SLC2A6: variants seen among roughly 807,000 people sequenced by gnomAD.
The protein encoded by SLC2A6 is solute carrier family 2, facilitated glucose transporter member 6.
Under a neutral mutation model 47.8 loss-of-function variants are expected in SLC2A6, and 39 were observed. That is an observed-to-expected ratio of 0.82 (90% CI 0.63 to 1.07). SLC2A6 has a LOEUF of 1.07. Among genes scored for constraint, SLC2A6 ranks in the 50% least tolerant of loss-of-function variants. SLC2A6 has a pLI of 0.00. For missense variants in SLC2A6, 650 were observed against 707.6 expected, an observed-to-expected ratio of 0.92 and a Z score of 0.92; for synonymous variants, 346 against 324.1, an observed-to-expected ratio of 1.07 and a Z score of -0.73.
At position 133,475,225 on chromosome 9, in the gene SLC2A6, A is replaced by G. The variant is rs1843896143; in HGVS notation, c.775-112T>C. On this transcript the variant is annotated intron_variant, in intron 5 of 9. Coordinates refer to ENST00000371899, the MANE Select transcript of SLC2A6 (RefSeq NM_017585.4). ...AGACCTCCTTTTTCCCTCCTCCAGGAAAGAACCAGCTTACCAGGCCACCCA... is the reference window on the plus strand; with the variant it reads ...AGACCTCCTTTTTCCCTCCTCCAGGGAAGAACCAGCTTACCAGGCCACCCA... The G allele has an allele frequency of 4.3e-6, 6 of 1,411,038 alleles. No individual in the cohort carries two copies. In the South Asian group the frequency reaches 9.0e-5, roughly 21 times the overall value. The allele number at this position is 1,411,038 out of a possible 1,614,324, so 87.4% of individuals were successfully genotyped here.
chr9:133,475,057 G>A lies in SLC2A6; in HGVS notation c.831C>T (p.Thr277=), dbSNP rs374498501. ...ARAPHVCRPI[T]VALLMRLLQQ... ...GCAGGAGGCGCATCAGCAAGGCCACGGTGATGGGCCGGCACACGTGTGGGG... is the reference window on the plus strand; with the variant it reads ...GCAGGAGGCGCATCAGCAAGGCCACAGTGATGGGCCGGCACACGTGTGGGG... Residue 277 remains threonine, a synonymous_variant, in exon 6 of 10, where the codon ACC becomes ACT. Transcript: ENST00000371899. 36 of 1,601,650 alleles carry A rather than the reference G, an allele frequency of 2.2e-5. No individual in the cohort carries two copies. The highest frequency in any genetic ancestry group is 2.6e-5 in the Non-Finnish European group (30 of 1,176,112).
At chr9:133,478,465 C>T (rs34008151) in intron 1 of SLC2A6, 49 bp from the exon 2 acceptor site, 40,207 of 1,604,160 alleles carry the variant, frequency 0.025, 618 homozygotes, top group Middle Eastern at 0.043. Flanking sequence ...GTCCCTCCTC[C>T]AGGGACCATT....
rs115761379 is a variant in SLC2A6 at position 133,475,455 on chromosome 9, G to T, written c.719C>A (p.Thr240Lys). 6.2e-6 allele frequency: 10 copies of T among 1,611,604 alleles called. No individual in the cohort carries two copies. The highest frequency in any genetic ancestry group is 8.5e-6 in the Non-Finnish European group (10 of 1,179,734). The change falls in exon 5 of 10, where the codon ACG (threonine) becomes AAG (lysine). Residue 240 changes from threonine to lysine, a missense_variant. Thr to Lys is a moderately conservative substitution (Grantham distance 78). Transcript: ENST00000371899. ...ALRALAWLRG[T>K]DVDVHWEFEQ... ...GAACTCCCAGTGGACATCGACGTCC[G>T]TCCCACGCAGCCAGGCCAGCGCCCG...
In SLC2A6 at chr9:133,473,271, G is replaced by A. The variant is rs1554802218; in HGVS notation, c.1223-21C>T. On this transcript the variant is annotated intron_variant, in intron 8 of 9. Coordinates refer to ENST00000371899, the MANE Select transcript of SLC2A6 (RefSeq NM_017585.4). The stretch of plus-strand genomic sequence containing the variant: ...GTAGCCTGCTCGGAGGAGGAGGCAG[G>A]TTCAGGCCCTGTGGGGTGACTGGAG... 4 of 1,557,816 alleles carry A rather than the reference G, an allele frequency of 2.6e-6. No individual in the cohort carries two copies. In the South Asian group the frequency reaches 3.5e-5, roughly 14 times the overall value.
intron 4 of SLC2A6, 32 bp downstream of exon 4, chr9:133,476,201 ACCAG>A (rs1554803296): frequency 2.0e-6 from 3 of 1,532,588 alleles, no homozygotes; most frequent in Non-Finnish European, 9.0e-7. Context: ...CACCCCTCCC[ACCAG>A]CCTGCACACA....
In SLC2A6 at chr9:133,474,011, G is replaced by A. The variant is rs782004368; in HGVS notation, c.1005C>T (p.Leu335=). The change falls in exon 7 of 10, where the codon CTC becomes CTT. Residue 335 remains leucine, a synonymous_variant. Coordinates refer to ENST00000371899, the MANE Select transcript of SLC2A6 (RefSeq NM_017585.4). ...CGAAGAGCAGCACCTTGCGGCCTGC[G>A]AGGTCCATGGTGAGGGCGGCGATCA... The part of the protein sequence containing the change: ...SVLIAALTMD[L]AGRKVLLFVS... The A allele has an allele frequency of 1.4e-5, 22 of 1,610,544 alleles. No homozygotes were observed. Among genetic ancestry groups the A allele is most frequent in the Admixed American group, 6.7e-5 (4 of 59,890 alleles).
chr9:133,471,456 T>C lies in SLC2A6; in HGVS notation c.*565A>G, dbSNP rs931109352. On this transcript the variant is annotated 3_prime_UTR_variant, in exon 10 of 10. Transcript: ENST00000371899. ...CAGGCTGGTCTTGAACTCCTGGCCT[T>C]GGGTAATCCACCTGCTTTGGCCTCC... 1 of 152,444 alleles carries C rather than the reference T, an allele frequency of 6.6e-6. No individual in the cohort carries two copies. Among genetic ancestry groups the C allele is most frequent in the African/African-American group, 2.4e-5 (1 of 41,412 alleles). 9.4% of individuals were successfully genotyped at this position (152,444 alleles called of 1,614,324 possible). A position where few individuals can be genotyped will look rare whatever the true frequency, so the allele number is the denominator to read the frequency against.
chr9:133,475,615 G>T lies in SLC2A6; in HGVS notation c.563-4C>A. On this transcript the variant is annotated splice_region_variant and splice_polypyrimidine_tract_variant and intron_variant, in intron 4 of 9. Transcript: ENST00000371899. ...CAGCGCCACGGCAGCAGGAGGCCTGGGGGCGAGGGGTGGGTGAGGGGCCAG... is the reference window on the plus strand; with the variant it reads ...CAGCGCCACGGCAGCAGGAGGCCTGTGGGCGAGGGGTGGGTGAGGGGCCAG... 1 of 1,578,548 alleles carries T rather than the reference G, an allele frequency of 6.3e-7. No individual in the cohort carries two copies. The highest frequency in any genetic ancestry group is 2.3e-5 in the East Asian group (1 of 43,716).
chr9:133,475,380 G>T lies in SLC2A6; in HGVS notation c.774+20C>A. 3 of 1,566,896 alleles carry T rather than the reference G, an allele frequency of 1.9e-6. No homozygotes were observed. The highest frequency in any genetic ancestry group is 1.7e-6 in the Non-Finnish European group (2 of 1,154,488). On this transcript the variant is annotated intron_variant, in intron 5 of 9. Coordinates refer to ENST00000371899, the MANE Select transcript of SLC2A6 (RefSeq NM_017585.4). ...TGCTGGAGGTGGGCCTGCCCGGTTC[G>T]GGCGCACACCCTCCTGCACCTGTCT...
In SLC2A6 at chr9:133,471,864, A is replaced by T; in HGVS notation, c.*157T>A. 1.2e-6 allele frequency: 1 copy of T among 846,740 alleles called. No homozygotes were observed. Among genetic ancestry groups the T allele is most frequent in the Non-Finnish European group, 1.8e-6 (1 of 559,572 alleles). 52.5% of individuals were successfully genotyped at this position (846,740 alleles called of 1,614,324 possible). A position where few individuals can be genotyped will look rare whatever the true frequency, so the allele number is the denominator to read the frequency against. On this transcript the variant is annotated 3_prime_UTR_variant, in exon 10 of 10. Transcript: ENST00000371899. ...ACAGCAGTGCTACCTGTCCCGAGCC[A>T]GGGGCACCCGCTGCTGAGGCCCCAT...
chr9:133,476,895 G>T, intron 3 of SLC2A6, 140 bp downstream of exon 3: 1 of 940,596 alleles, frequency 1.1e-6, no homozygotes, highest in Non-Finnish European at 1.6e-6. Flanking sequence ...GGGGTGAGCT[G>T]AGGCGCCCTG....
chr9:133,471,699 C>T lies in SLC2A6; in HGVS notation c.*322G>A, dbSNP rs1278659597. Reference sequence around the variant, plus strand: ...GTCCTCCCCGTAGCCTTCTGTGGGGCGTGTCCTTCACGCAAGGGAAAGGGA... The same window carrying T: ...GTCCTCCCCGTAGCCTTCTGTGGGGTGTGTCCTTCACGCAAGGGAAAGGGA... On this transcript the variant is annotated 3_prime_UTR_variant, in exon 10 of 10. Transcript: ENST00000371899. 2 of 272,810 alleles carry T rather than the reference C, an allele frequency of 7.3e-6. No homozygotes were observed. Among genetic ancestry groups the T allele is most frequent in the Non-Finnish European group, 1.4e-5 (2 of 143,394 alleles). 16.9% of individuals were successfully genotyped at this position (272,810 alleles called of 1,614,324 possible).
intron 4 of SLC2A6, 30 bp from the exon 5 acceptor site, chr9:133,475,641 G>C: frequency 6.5e-7 from 1 of 1,544,182 alleles, no homozygotes; most frequent in African/African-American, 1.4e-5. Flanking sequence ...GAGGGGCCAG[G>C]TCCAGGCCTG....
At position 133,475,555 on chromosome 9, in the gene SLC2A6, T is replaced by C; in HGVS notation, c.619A>G (p.Met207Val). 2 of 1,609,530 alleles carry C rather than the reference T, an allele frequency of 1.2e-6. No individual in the cohort carries two copies. Among genetic ancestry groups the C allele is most frequent in the African/African-American group, 1.3e-5 (1 of 74,912 alleles). Residue 207 changes from methionine (M) to valine (V), a missense_variant, in exon 5 of 10, where the codon ATG becomes GTG. Coordinates refer to ENST00000371899, the MANE Select transcript of SLC2A6 (RefSeq NM_017585.4). The stretch of plus-strand genomic sequence containing the variant: ...GGCATGAAGCTGAGCAGCAGGATCA[T>C]GATGAGCACAGGCGCCTCCCCGGCC... The part of the protein sequence containing the change: ...AVAGEAPVLI[M>V]ILLLSFMPNS...
intron 9 of SLC2A6, 143 bp from the exon 10 acceptor site, chr9:133,472,319 C>T (rs1355483325): frequency 1.1e-6 from 1 of 917,728 alleles, no homozygotes; most frequent in Non-Finnish European, 1.6e-6. Flanking sequence ...CGCCCCCCCA[C>T]ACCAGGGCTC....
rs1554803925 is a variant in SLC2A6, at chr9:133,478,407, C to G, written c.102G>C (p.Gln34His). ...AGGTGGCCAGGAACACCCTTTTGTT[C>G]TGCAGGGTCCTGGTGATGGTGGCGG... Reference protein sequence around the residue: ...PGDRARVGTLQNKRVFLATFA... With the variant: ...PGDRARVGTLHNKRVFLATFA... Residue 34 changes from glutamine (Q) to histidine (H), a missense_variant, in exon 2 of 10, where the codon CAG becomes CAC. Transcript: ENST00000371899. The G allele has an allele frequency of 6.2e-7, 1 of 1,614,140 alleles. No individual in the cohort carries two copies. Among genetic ancestry groups the G allele is most frequent in the Admixed American group, 1.7e-5 (1 of 60,026 alleles).
Position 133,473,507 on chromosome 9 carries a change from C to T in SLC2A6, c.1130G>A (p.Ser377Asn), listed in dbSNP as rs1554802318. ...CTGCGCCAAGTCCCCCCAGGACTCG[C>T]TTTCCAGGCCCGCAGTGCTGTTGGG... ...LSPNSTAGLESESWGDLAQPL... is the reference protein window; with the variant it reads ...LSPNSTAGLENESWGDLAQPL... Residue 377 changes from serine to asparagine, a missense_variant, in exon 8 of 10, where the codon AGC becomes AAC. Coordinates refer to ENST00000371899, the MANE Select transcript of SLC2A6 (RefSeq NM_017585.4). 1.2e-6 allele frequency: 2 copies of T among 1,600,874 alleles called. No individual in the cohort carries two copies.
At chr9:133,476,414 CCT>C (rs782144430) in intron 3 of SLC2A6, 78 bp from the exon 4 acceptor site, 32 of 1,252,948 alleles carry the variant, frequency 2.6e-5, no homozygotes, top group Non-Finnish European at 3.4e-5. Context: ...AGAGTCAGCC[CCT>C]GTGAACCCCG....
chr9:133,478,992 G>A lies in SLC2A6; in HGVS notation c.68C>T (p.Ser23Leu). The A allele has an allele frequency of 1.9e-6, 3 of 1,594,708 alleles. No homozygotes were observed. Among genetic ancestry groups the A allele is most frequent in the Non-Finnish European group, 2.6e-6 (3 of 1,174,056 alleles). The change falls in exon 1 of 10, where the codon TCG (serine) becomes TTG (leucine). Residue 23 changes from serine (S) to leucine (L), a missense_variant. Transcript: ENST00000371899. ...YDTFPEKPPP[S>L]PGDRARVGTL... ...CCCGACCCGCGCCCTGTCCCCTGGC[G>A]ACGGGGGCGGCTTCTCGGGGAAGGT... is the stretch of plus-strand genomic sequence containing the variant.
Sources: allele counts gnomAD v4.1 joint callset, GRCh38; gene constraint gnomAD v4.1.1; transcripts MANE v1.5; gene names NCBI Gene and HGNC (gene_info 2026-07-23, HGNC 2026-07-21).